The following VANGL1 variants were observed in gnomAD, a reference collection of about 807,000 sequenced individuals.
The protein encoded by VANGL1 is vang-like protein 1.
Under a neutral mutation model 48.4 loss-of-function variants are expected in VANGL1, and 18 were observed. That is an observed-to-expected ratio of 0.37 (90% CI 0.26 to 0.55). The LOEUF is 0.55. Ranked by LOEUF, VANGL1 falls within the 20% of genes least tolerant of loss-of-function variation. The pLI, the probability that VANGL1 is intolerant of heterozygous loss-of-function variation, is 0.81. For missense variants in VANGL1, 667 were observed against 675.8 expected (o/e 0.99, Z 0.14); for synonymous variants, 257 against 261.8 (o/e 0.98, Z 0.18).
chr1:115,693,621 T>C lies in VANGL1; in HGVS notation c.*2242T>C, dbSNP rs1390155589. 6.6e-6 allele frequency: 1 copy of C among 151,982 alleles called. No homozygotes were observed. Among genetic ancestry groups the C allele is most frequent in the Non-Finnish European group, 1.5e-5 (1 of 68,036 alleles). The allele number at this position is 151,982 out of a possible 1,614,324, so 9.4% of individuals were successfully genotyped here. ...GTTTCTGTTTTAAATTGAGTATTGATTTTTTTATATTGACTTTGTATTGAG... is the reference window on the plus strand; with the variant it reads ...GTTTCTGTTTTAAATTGAGTATTGACTTTTTTATATTGACTTTGTATTGAG... On this transcript the variant is annotated 3_prime_UTR_variant, in exon 8 of 8. Coordinates refer to ENST00000355485, the MANE Select transcript of VANGL1 (RefSeq NM_138959.3).
At position 115,696,158 on chromosome 1, in the gene VANGL1, G is replaced by C. The variant is rs2101046880; in HGVS notation, c.*4779G>C. 6.6e-6 allele frequency: 1 copy of C among 152,670 alleles called. No individual in the cohort carries two copies. Among genetic ancestry groups the C allele is most frequent in the South Asian group, 2.1e-4 (1 of 4,820 alleles). 9.5% of individuals were successfully genotyped at this position (152,670 alleles called of 1,614,324 possible). On this transcript the variant is annotated 3_prime_UTR_variant, in exon 8 of 8. Coordinates refer to ENST00000355485, the MANE Select transcript of VANGL1 (RefSeq NM_138959.3). ...CTTCTGCTCCCACTCTGCTGGCTTG[G>C]GCAAGATGCGTGCCTTGGGCCTTGG...
chr1:115,645,973 T>C (rs6685321), intron 1 of VANGL1, among the ~76,000 whole-genome samples: 1 of 152,012 alleles, frequency 6.6e-6, no homozygotes, highest in African/African-American at 2.4e-5. Context: ...GAGCTGTTGA[T>C]GTTTTTATAA....
In VANGL1 at chr1:115,691,479, TG is replaced by T; in HGVS notation, c.*101del. On this transcript the variant is annotated 3_prime_UTR_variant, in exon 8 of 8. Transcript: ENST00000355485. ...GTCTTTTTTAAAAATTCTTCTTCAT[TG>T]CTGACTGAAACTGGCAGATGATTGA... is the stretch of plus-strand genomic sequence containing the variant. 1 of 1,319,816 alleles carries T rather than the reference TG, an allele frequency of 7.6e-7. No individual in the cohort carries two copies. The highest frequency in any genetic ancestry group is 1.0e-6 in the Non-Finnish European group (1 of 979,608). The allele number at this position is 1,319,816 out of a possible 1,614,324, so 81.8% of individuals were successfully genotyped here.
In VANGL1 at chr1:115,691,723, C is replaced by A; in HGVS notation, c.*344C>A. The stretch of plus-strand genomic sequence containing the variant: ...GCCTTTCGTCCAGTACCAAGTCCCC[C>A]GTTGCTTCTGGTCAGCCCACTTGTA... On this transcript the variant is annotated 3_prime_UTR_variant, in exon 8 of 8. Coordinates refer to ENST00000355485, the MANE Select transcript of VANGL1 (RefSeq NM_138959.3). 2 of 241,082 alleles carry A rather than the reference C, an allele frequency of 8.3e-6. No homozygotes were observed. The highest frequency in any genetic ancestry group is 1.3e-4 in the South Asian group (2 of 14,840). The allele number at this position is 241,082 out of a possible 1,614,324, so 14.9% of individuals were successfully genotyped here.
intron 2 of VANGL1, among the ~76,000 whole-genome samples, chr1:115,658,836 C>T (rs898029168): frequency 6.6e-6 from 1 of 152,146 alleles, no homozygotes; most frequent in South Asian, 2.1e-4. Context: ...GAGTGACCCC[C>T]AGGCAGGGTT....
Position 115,651,327 on chromosome 1 carries a change from AG to A in VANGL1, c.-85del. On this transcript the variant is annotated 5_prime_UTR_variant, in exon 2 of 8. Transcript: ENST00000355485. The stretch of plus-strand genomic sequence containing the variant: ...CCTCTTCTAATTTCCAGACTCCTTG[AG>A]GTTTTAGGAGTCTGGTAGGTGAAAT... 1 of 1,151,976 alleles carries A rather than the reference AG, an allele frequency of 8.7e-7. No individual in the cohort carries two copies. The highest frequency in any genetic ancestry group is 1.3e-6 in the Non-Finnish European group (1 of 777,034). 71.4% of individuals were successfully genotyped at this position (1,151,976 alleles called of 1,614,324 possible).
chr1:115,672,632 T>A (rs947765803), intron 4 of VANGL1, among the ~76,000 whole-genome samples: 4 of 152,366 alleles, frequency 2.6e-5, no homozygotes, highest in African/African-American at 9.6e-5. Flanking sequence ...AAACATGAGC[T>A]AATTCCAGTT....
chr1:115,671,616 T>C (rs1652976299), intron 4 of VANGL1, among the ~76,000 whole-genome samples: 1 of 152,206 alleles, frequency 6.6e-6, no homozygotes, highest in Admixed American at 6.5e-5. Context: ...GCTGTTTATC[T>C]TGGTGTGATT....
At chr1:115,672,241 T>A (rs1195655949) in intron 4 of VANGL1, among the ~76,000 whole-genome samples, 3 of 152,170 alleles carry the variant, frequency 2.0e-5, no homozygotes, top group Admixed American at 2.0e-4. Flanking sequence ...GCTCTGGGAT[T>A]AGATATCCTA....
At chr1:115,664,399 G>A in intron 4 of VANGL1, 131 bp downstream of exon 4, 1 of 1,403,484 alleles carries the variant, frequency 7.1e-7, no homozygotes, top group Non-Finnish European at 9.5e-7. Context: ...TCTGGTTTGG[G>A]GAGGAGATGC....
chr1:115,658,866 A>G (rs545595345), intron 2 of VANGL1, among the ~76,000 whole-genome samples: 1 of 152,160 alleles, frequency 6.6e-6, no homozygotes, highest in East Asian at 1.9e-4. Context: ...ACGCTGGAAG[A>G]CCACCCAGGA....
intron 4 of VANGL1, among the ~76,000 whole-genome samples, chr1:115,678,571 C>T (rs920554263): frequency 1.3e-5 from 2 of 152,172 alleles, no homozygotes; most frequent in African/African-American, 4.8e-5. Context: ...GCCTTATGTA[C>T]GTGGCACAGC....
At chr1:115,674,810 A>G (rs1023888557) in intron 4 of VANGL1, among the ~76,000 whole-genome samples, 3 of 152,164 alleles carry the variant, frequency 2.0e-5, no homozygotes, top group Non-Finnish European at 4.4e-5. Context: ...TGAGGGCATC[A>G]GCCTGGATGA....
intron 3 of VANGL1, among the ~76,000 whole-genome samples, chr1:115,660,186 C>T (rs1456933240): frequency 1.3e-5 from 2 of 152,194 alleles, no homozygotes; most frequent in South Asian, 2.1e-4. Context: ...AGAGGCCGCA[C>T]GCTCAGATGC....
intron 4 of VANGL1, among the ~76,000 whole-genome samples, chr1:115,670,610 C>T (rs1164542935): frequency 6.6e-6 from 1 of 152,178 alleles, no homozygotes; most frequent in Non-Finnish European, 1.5e-5. Context: ...AGGCATGTCT[C>T]TCATGCTGGG....
intron 2 of VANGL1, 44 bp downstream of exon 2, chr1:115,651,528 C>G (rs1198907022): frequency 1.3e-6 from 2 of 1,582,366 alleles, no homozygotes; most frequent in East Asian, 4.5e-5. Context: ...TTGGGGAAAC[C>G]TACAGGTTGG....
intron 1 of VANGL1, among the ~76,000 whole-genome samples, chr1:115,647,566 A>G (rs1404655724): frequency 6.6e-6 from 1 of 152,110 alleles, no homozygotes; most frequent in Non-Finnish European, 1.5e-5. Context: ...CAGATCTTGG[A>G]TAGGATAAGA....
chr1:115,691,230 C>T lies in VANGL1; in HGVS notation c.1426C>T (p.Arg476Trp), dbSNP rs775075491. 19 of 1,613,938 alleles carry T rather than the reference C, an allele frequency of 1.2e-5. No homozygotes were observed. Among genetic ancestry groups the T allele is most frequent in the South Asian group, 5.5e-5 (5 of 91,080 alleles). The change falls in exon 8 of 8, where the codon CGG becomes TGG. Residue 476 changes from arginine (R) to tryptophan (W), a missense_variant. Transcript: ENST00000355485. ...TGATGAGGCTGTGACTAATGGATTA[C>T]GGGATGGAATTGTGTTCGTCCTTAA... ...VSDEAVTNGL[R>W]DGIVFVLKCL...
rs1652657739 is a variant in VANGL1, at chr1:115,663,751, A to G, written c.295A>G (p.Met99Val). The G allele has an allele frequency of 2.5e-6, 4 of 1,614,072 alleles. No homozygotes were observed. In the African/African-American group the frequency reaches 4.0e-5, roughly 16 times the overall value. ...QEDIARISKDMEDSVGLDCKR... is the reference protein window; with the variant it reads ...QEDIARISKDVEDSVGLDCKR... ...GGACATTGCCAGGATCAGCAAGGAC[A>G]TGGAGGACAGCGTGGGGCTGGATTG... is the stretch of plus-strand genomic sequence containing the variant. Residue 99 changes from methionine to valine, a missense_variant, in exon 4 of 8, where the codon ATG becomes GTG. Physicochemically the swap from Met to Val is conservative, Grantham distance 21. Transcript: ENST00000355485.
Sources: allele counts gnomAD v4.1 joint callset (sites outside exome capture counted in the v4.1 genomes callset), GRCh38; gene constraint gnomAD v4.1.1; transcripts MANE v1.5; gene names NCBI Gene and HGNC (gene_info 2026-07-23, HGNC 2026-07-21).